MTHFD2L: variants seen among roughly 807,000 people sequenced by gnomAD.
MTHFD2L encodes methylenetetrahydrofolate dehydrogenase (NADP+ dependent) 2 like.
In MTHFD2L, 29 loss-of-function variants were observed where a neutral mutation model predicts 34.9. That is an observed-to-expected ratio of 0.83 (90% CI 0.62 to 1.13). MTHFD2L has a LOEUF of 1.13. Ranked by LOEUF, MTHFD2L falls within the 50% of genes most tolerant of loss-of-function variation. The probability of loss-of-function intolerance (pLI) is 0.00; values close to 1 mark genes in which losing one functional copy is unlikely to be tolerated. For missense variants in MTHFD2L, 481 were observed against 446.5 expected (o/e 1.08, Z -0.70); for synonymous variants, 167 against 155.7 (o/e 1.07, Z -0.54).
intron 6 of MTHFD2L, chr4:74,266,999 C>T (rs1179765948): frequency 3.0e-6 from 3 of 985,200 alleles, no homozygotes; most frequent in Non-Finnish European, 3.6e-6. Flanking sequence ...CTCTGGGGAA[C>T]CTAAAGGGAT....
chr4:74,295,107 C>T (rs16850864), intron 7 of MTHFD2L, among the ~76,000 whole-genome samples: 18,020 of 151,956 alleles, frequency 0.12, 2,860 homozygotes, highest in African/African-American at 0.36. Flanking sequence ...CTTTTAAAAG[C>T]TTATTCACCC....
chr4:74,123,579 T>C (rs1180850050), upstream of MTHFD2L, among the ~76,000 whole-genome samples: 1 of 152,202 alleles, frequency 6.6e-6, no homozygotes, highest in Non-Finnish European at 1.5e-5. Flanking sequence ...AAATAACTTT[T>C]GTGGGCCTTA....
chr4:74,278,684 T>C (rs1005570608), intron 6 of MTHFD2L, among the ~76,000 whole-genome samples: 10 of 152,072 alleles, frequency 6.6e-5, no homozygotes, highest in African/African-American at 2.4e-4. Context: ...TATCCTTCAG[T>C]AGGCTAGCTT....
At chr4:74,252,790 A>G (rs1447065556) in intron 6 of MTHFD2L, among the ~76,000 whole-genome samples, 1 of 152,144 alleles carries the variant, frequency 6.6e-6, no homozygotes, top group Non-Finnish European at 1.5e-5. Context: ...AGAAGGTGAT[A>G]CTAGAGATTA....
intron 6 of MTHFD2L, among the ~76,000 whole-genome samples, chr4:74,270,845 T>A (rs1162483495): frequency 3.9e-5 from 6 of 152,044 alleles, no homozygotes; most frequent in African/African-American, 1.5e-4. Flanking sequence ...GTTTCCTGAC[T>A]TTTTAATGAT....
At chr4:74,257,054 A>G (rs773823161) in intron 6 of MTHFD2L, among the ~76,000 whole-genome samples, 13 of 152,184 alleles carry the variant, frequency 8.5e-5, no homozygotes, top group East Asian at 1.9e-4. Flanking sequence ...TTTAGGCAGT[A>G]TGGCCCTTTT....
intron 1 of MTHFD2L, among the ~76,000 whole-genome samples, chr4:74,140,083 AG>A (rs1197570861): frequency 6.6e-6 from 1 of 152,174 alleles, no homozygotes; most frequent in East Asian, 1.9e-4. Context: ...TAGGAGGCCC[AG>A]GTGGGTGGAT....
intron 5 of MTHFD2L, among the ~76,000 whole-genome samples, chr4:74,207,680 C>T (rs748705496): frequency 2.0e-5 from 3 of 151,826 alleles, no homozygotes; most frequent in Non-Finnish European, 4.4e-5. Flanking sequence ...CTTCAAGAGG[C>T]ACCCTATCTA....
intron 7 of MTHFD2L, among the ~76,000 whole-genome samples, chr4:74,293,146 TCAACC>T (rs981558192): frequency 3.3e-5 from 5 of 152,134 alleles, no homozygotes; most frequent in African/African-American, 1.2e-4. Context: ...GCTGCACCCA[TCAACC>T]CATTGTCTAC....
chr4:74,185,190 C>T (rs1393559830), intron 3 of MTHFD2L, among the ~76,000 whole-genome samples: 2 of 135,174 alleles, frequency 1.5e-5, no homozygotes, highest in African/African-American at 3.2e-5. Flanking sequence ...TCTGGAAAAT[C>T]CCTAAATATT....
intron 7 of MTHFD2L, among the ~76,000 whole-genome samples, chr4:74,301,093 A>G (rs996203226): frequency 1.3e-5 from 2 of 152,092 alleles, no homozygotes; most frequent in African/African-American, 4.8e-5. Context: ...TGGCTTTTAC[A>G]CAGTTGAAAA....
At chr4:74,292,876 G>A (rs1437531692) in intron 7 of MTHFD2L, among the ~76,000 whole-genome samples, 1 of 151,832 alleles carries the variant, frequency 6.6e-6, no homozygotes, top group African/African-American at 2.4e-5. Context: ...TATACTTTAA[G>A]TTTTAGGGTA....
chr4:74,191,306 A>G (rs953203754), intron 3 of MTHFD2L, among the ~76,000 whole-genome samples: 5 of 151,902 alleles, frequency 3.3e-5, no homozygotes, highest in Non-Finnish European at 2.9e-5. Context: ...TTTCAAGGGC[A>G]TTGTATACAC....
At chr4:74,160,224 C>A in intron 1 of MTHFD2L, 1 of 598,608 alleles carries the variant, frequency 1.7e-6, no homozygotes, top group Non-Finnish European at 2.6e-6. Context: ...ATGAAATTTA[C>A]ACCTTAGTGT....
At chr4:74,246,303 TTG>T (rs1478221834) in intron 6 of MTHFD2L, among the ~76,000 whole-genome samples, 1 of 151,966 alleles carries the variant, frequency 6.6e-6, no homozygotes, top group Non-Finnish European at 1.5e-5. Context: ...TTCATGTCCT[TTG>T]CCCACTTTTT....
chr4:74,246,473 T>A (rs1312609687), intron 6 of MTHFD2L, among the ~76,000 whole-genome samples: 3 of 152,166 alleles, frequency 2.0e-5, no homozygotes, highest in Non-Finnish European at 2.9e-5. Flanking sequence ...GCAGAAGCTC[T>A]TTAGTTTAAT....
At chr4:74,277,178 T>C (rs912437204) in intron 6 of MTHFD2L, among the ~76,000 whole-genome samples, 2 of 149,662 alleles carry the variant, frequency 1.3e-5, no homozygotes, top group African/African-American at 5.0e-5. Context: ...TTCACAGATA[T>C]GCAGCAAGAA....
chr4:74,296,581 C>A, intron 7 of MTHFD2L, among the ~76,000 whole-genome samples: 1 of 152,172 alleles, frequency 6.6e-6, no homozygotes, highest in Admixed American at 6.6e-5. Flanking sequence ...GAACCTGAGG[C>A]CATCGTGTAA....
At chr4:74,154,449 C>G (rs1431041365), upstream of MTHFD2L, among the ~76,000 whole-genome samples, 1 of 152,076 alleles carries the variant, frequency 6.6e-6, no homozygotes, top group Non-Finnish European at 1.5e-5. Flanking sequence ...TTTCTTCTCT[C>G]CCATATTTAT....
Sources: gnomAD v4.1 joint callset for allele counts (sites outside exome capture counted in the v4.1 genomes callset) on GRCh38, gnomAD v4.1.1 for gene constraint, MANE v1.5 for transcripts, NCBI Gene and HGNC (gene_info 2026-07-23, HGNC 2026-07-21) for gene names.